The following MICU2 variants were observed in gnomAD, a reference collection of about 807,000 sequenced individuals.
MICU2 encodes the protein mitochondrial calcium uptake 2.
Under a neutral mutation model 60.4 loss-of-function variants are expected in MICU2, and 64 were observed. That is an observed-to-expected ratio of 1.06 (90% CI 0.87 to 1.31). The LOEUF is 1.31. Among genes scored for constraint, MICU2 ranks in the 50% most tolerant of loss-of-function variants. The pLI, the probability that MICU2 is intolerant of heterozygous loss-of-function variation, is 0.00. For synonymous variants in MICU2, 201 were observed against 175.0 expected, an observed-to-expected ratio of 1.15 and a Z score of -1.17; for missense variants, 569 against 531.0, an observed-to-expected ratio of 1.07 and a Z score of -0.70.
intron 1 of MICU2, among the ~76,000 whole-genome samples, chr13:21,569,512 T>C (rs1888058460): frequency 6.6e-6 from 1 of 152,242 alleles, no homozygotes; most frequent in South Asian, 2.1e-4. Flanking sequence ...CACCATCTCC[T>C]ACTATTAGTC....
intron 1 of MICU2, among the ~76,000 whole-genome samples, chr13:21,593,482 T>C (rs1888627305): frequency 7.4e-6 from 1 of 135,960 alleles, no homozygotes; most frequent in South Asian, 3.0e-4. Context: ...CAAACTATCA[T>C]TGACACTCTT....
chr13:21,543,633 A>T (rs1304419307), intron 2 of MICU2, among the ~76,000 whole-genome samples: 1 of 152,210 alleles, frequency 6.6e-6, no homozygotes, highest in South Asian at 2.1e-4. Context: ...CTTCACAAAA[A>T]TAACTACAAA....
chr13:21,529,810 T>C (rs1423318722), intron 4 of MICU2, among the ~76,000 whole-genome samples: 2 of 152,186 alleles, frequency 1.3e-5, no homozygotes, highest in Admixed American at 6.5e-5. Context: ...TGGGAGACTC[T>C]ATATATTCAG....
chr13:21,558,821 T>A (rs1887769287), intron 2 of MICU2, among the ~76,000 whole-genome samples: 1 of 152,086 alleles, frequency 6.6e-6, no homozygotes, highest in South Asian at 2.1e-4. Flanking sequence ...AGGTGAGGGA[T>A]GGCAGGGAGA....
intron 2 of MICU2, among the ~76,000 whole-genome samples, chr13:21,548,664 C>G (rs2138014351): frequency 6.6e-6 from 1 of 152,288 alleles, no homozygotes; most frequent in South Asian, 2.1e-4. Context: ...GTCTCCAGGT[C>G]CTGTTTGACT....
At chr13:21,578,493 G>C (rs1446261870) in intron 1 of MICU2, among the ~76,000 whole-genome samples, 5 of 152,166 alleles carry the variant, frequency 3.3e-5, no homozygotes, top group Non-Finnish European at 7.3e-5. Context: ...GGAGGCTGAA[G>C]TGGGAGGATC....
At chr13:21,494,134 T>A (rs538093992) in intron 11 of MICU2, among the ~76,000 whole-genome samples, 1 of 152,190 alleles carries the variant, frequency 6.6e-6, no homozygotes, top group Non-Finnish European at 1.5e-5. Context: ...TTTATGGGTG[T>A]TGGATAACTG....
chr13:21,539,619 C>A lies in MICU2; in HGVS notation c.390+38G>T, dbSNP rs535705208. 28 of 1,613,666 alleles carry A rather than the reference C, an allele frequency of 1.7e-5. 1 individual carries two copies. The South Asian group carries it at 3.1e-4, about 18-fold the overall frequency. ...GGCCAAAAGTTCATTTTCTATCTTA[C>A]CAAAAACAAACCCTGCCCCCCACAA... On this transcript the variant is annotated intron_variant, in intron 3 of 11. Transcript: ENST00000382374.
intron 6 of MICU2, among the ~76,000 whole-genome samples, chr13:21,517,793 A>ACGCGCG (rs1467904920): frequency 2.1e-4 from 20 of 97,178 alleles, no homozygotes; most frequent in African/African-American, 6.9e-4. Flanking sequence ...ACACACACAC[A>ACGCGCG]CACACACGCG....
At chr13:21,496,299 TTCTC>T (rs1170469509) in intron 9 of MICU2, 139 bp from the exon 10 acceptor site, 2 of 651,898 alleles carry the variant, frequency 3.1e-6, no homozygotes, top group African/African-American at 3.7e-5. Flanking sequence ...CTCTGTCCCT[TTCTC>T]TCTGTGTGCA....
chr13:21,560,231 T>G (rs1887808424), intron 2 of MICU2, among the ~76,000 whole-genome samples: 1 of 152,204 alleles, frequency 6.6e-6, no homozygotes, highest in Admixed American at 6.5e-5. Context: ...GTGGCTTATT[T>G]AAGGAAGATT....
At chr13:21,529,164 T>C (rs1886928076) in intron 4 of MICU2, among the ~76,000 whole-genome samples, 1 of 152,058 alleles carries the variant, frequency 6.6e-6, no homozygotes, top group South Asian at 2.1e-4. Context: ...GATAAATACT[T>C]AGGTAAAATT....
chr13:21,523,355 C>T (rs1242839067), intron 4 of MICU2, among the ~76,000 whole-genome samples: 2 of 152,212 alleles, frequency 1.3e-5, no homozygotes, highest in African/African-American at 4.8e-5. Context: ...AACAGGCATC[C>T]ACTACAAGTT....
At chr13:21,493,608 G>T (rs1283909504) in intron 11 of MICU2, among the ~76,000 whole-genome samples, 1 of 152,108 alleles carries the variant, frequency 6.6e-6, no homozygotes, top group African/African-American at 2.4e-5. Context: ...CTCTAAGAGG[G>T]TAATGAAGAC....
intron 1 of MICU2, among the ~76,000 whole-genome samples, chr13:21,587,244 A>C (rs1888479680): frequency 6.6e-6 from 1 of 152,220 alleles, no homozygotes; most frequent in East Asian, 1.9e-4. Context: ...CGTAGATATA[A>C]ATGAATAAAT....
intron 6 of MICU2, among the ~76,000 whole-genome samples, chr13:21,518,445 C>T (rs181387185): frequency 5.1e-4 from 77 of 152,298 alleles, no homozygotes; most frequent in African/African-American, 1.8e-3. Context: ...GAGTATGACA[C>T]CCACTATTAT....
rs367619955 is a variant in MICU2, at chr13:21,539,250, C to A, written c.466+52G>T. Reference sequence around the variant, plus strand: ...CTCATACCTTAATTCCTTAATAATACTTCAGTTAAATAAAACACATAACTA... The same window carrying A: ...CTCATACCTTAATTCCTTAATAATAATTCAGTTAAATAAAACACATAACTA... On this transcript the variant is annotated intron_variant, in intron 4 of 11. Coordinates refer to ENST00000382374, the MANE Select transcript of MICU2 (RefSeq NM_152726.3). 498 of 1,450,740 alleles carry A rather than the reference C, an allele frequency of 3.4e-4. 3 individuals are homozygous for A. The African/African-American group carries it at 6.4e-3, about 19-fold the overall frequency. 89.9% of individuals were successfully genotyped at this position (1,450,740 alleles called of 1,614,324 possible).
intron 1 of MICU2, among the ~76,000 whole-genome samples, chr13:21,574,679 T>C (rs567213768): frequency 6.6e-6 from 1 of 152,338 alleles, no homozygotes; most frequent in East Asian, 1.9e-4. Context: ...TCAATATATA[T>C]ATACATGGCA....
intron 1 of MICU2, among the ~76,000 whole-genome samples, chr13:21,602,488 G>T (rs1031965617): frequency 6.6e-6 from 1 of 151,990 alleles, no homozygotes; most frequent in Non-Finnish European, 1.5e-5. Flanking sequence ...CGCCACTGCA[G>T]TCCGGCCTGG....
Sources: allele counts gnomAD v4.1 joint callset (sites outside exome capture counted in the v4.1 genomes callset), GRCh38; gene constraint gnomAD v4.1.1; transcripts MANE v1.5; gene names NCBI Gene and HGNC (gene_info 2026-07-23, HGNC 2026-07-21).